Variants in PRAME observed in about 807,000 individuals in gnomAD.
The protein encoded by PRAME is melanoma antigen preferentially expressed in tumors.
PRAME carries 21 observed loss-of-function variants against 32.1 expected under a neutral mutation model. The observed-to-expected ratio is 0.65, with a 90% CI of 0.46 to 0.94. PRAME has a LOEUF of 0.94. PRAME is among the 40% of genes least tolerant of loss of function. The pLI is 0.00. For missense variants in PRAME, 651 were observed against 622.3 expected (o/e 1.05, Z -0.49); for synonymous variants, 274 against 251.5 (o/e 1.09, Z -0.85).
Position 22,554,100 on chromosome 22 carries a change from A to T in PRAME, c.21+2712T>A. The T allele has an allele frequency of 1.8e-5, 3 of 162,392 alleles. No homozygotes were observed. The South Asian group carries it at 1.6e-3, about 85-fold the overall frequency. 10.1% of individuals were successfully genotyped at this position (162,392 alleles called of 1,614,324 possible). A position where few individuals can be genotyped will look rare whatever the true frequency, so the allele number is the denominator to read the frequency against. ...AGTGCACAAATACATTTTCCGTCAC[A>T]AAAAATTGAAGTTATATTTGGCATT... On this transcript the variant is annotated intron_variant, in intron 3 of 5. Coordinates refer to ENST00000405655, the MANE Select transcript of PRAME (RefSeq NM_206956.3).
At chr22:22,556,716 G>T in intron 3 of PRAME, 96 bp downstream of exon 3, 3 of 1,440,788 alleles carry the variant, frequency 2.1e-6, no homozygotes, top group South Asian at 1.2e-5. Flanking sequence ...TACTGTGAGG[G>T]ACCTCAGGAT....
At chr22:22,554,834 C>T (rs934423587) in intron 3 of PRAME, among the ~76,000 whole-genome samples, 1 of 151,952 alleles carries the variant, frequency 6.6e-6, no homozygotes, top group African/African-American at 2.4e-5. Context: ...GTAAGTCCAA[C>T]AGTTAGGGAA....
At chr22:22,558,311 T>G (rs1336286489) in intron 1 of PRAME, among the ~76,000 whole-genome samples, 1 of 1,410 alleles carries the variant, frequency 7.1e-4, no homozygotes, top group Non-Finnish European at 1.4e-3. Context: ...TGGCGGAAGG[T>G]AGACAAGGCG....
At chr22:22,549,222 A>G (rs1055012790) in intron 5 of PRAME, among the ~76,000 whole-genome samples, 1 of 151,884 alleles carries the variant, frequency 6.6e-6, no homozygotes, top group Non-Finnish European at 1.5e-5. Flanking sequence ...TCCTTCTCCC[A>G]CATCTCCAGA....
chr22:22,548,252 C>T lies in PRAME; in HGVS notation c.1345G>A (p.Glu449Lys). ...AGGTGGAGGGTACCATGGATGTCCTCATAACTCTCCAGGGGGACAGGATAC... is the reference window on the plus strand; with the variant it reads ...AGGTGGAGGGTACCATGGATGTCCTTATAACTCTCCAGGGGGACAGGATAC... The part of the protein sequence containing the change: ...VLYPVPLESY[E>K]DIHGTLHLER... Residue 449 changes from glutamate (E) to lysine (K), a missense_variant, in exon 6 of 6, where the codon GAG becomes AAG. Glu to Lys is a moderately conservative substitution (Grantham distance 56). Coordinates refer to ENST00000405655, the MANE Select transcript of PRAME (RefSeq NM_206956.3). 1 of 1,613,846 alleles carries T rather than the reference C, an allele frequency of 6.2e-7. No homozygotes were observed. The highest frequency in any genetic ancestry group is 8.5e-7 in the Non-Finnish European group (1 of 1,179,956).
chr22:22,549,909 C>G lies in PRAME; in HGVS notation c.770G>C (p.Gly257Ala), dbSNP rs769799479. The G allele has an allele frequency of 6.2e-7, 1 of 1,613,780 alleles. No homozygotes were observed. The highest frequency in any genetic ancestry group is 1.3e-5 in the African/African-American group (1 of 74,932). ...PTLAKFSPYLGQMINLRRLLL... is the reference protein window; with the variant it reads ...PTLAKFSPYLAQMINLRRLLL... The stretch of plus-strand genomic sequence containing the variant: ...GAGTCTACGCAGATTAATCATCTGG[C>G]CCAGGTAAGGAGAAAATTTCGCCAA... Residue 257 changes from glycine (G) to alanine (A), a missense_variant, in exon 5 of 6, where the codon GGC becomes GCC. Transcript: ENST00000405655.
At position 22,548,398 on chromosome 22, in the gene PRAME, G is replaced by C. The variant is rs763483315; in HGVS notation, c.1199C>G (p.Pro400Arg). The change falls in exon 6 of 6, where the codon CCT (proline) becomes CGT (arginine). Residue 400 changes from proline (P) to arginine (R), a missense_variant. By Grantham distance (103) the Pro-to-Arg change is moderately radical (BLOSUM62 -2). Transcript: ENST00000405655. ...AAGCTGGGAGCAGTGGCTCAGGGAAGGCAGGAGGGCAAGGAGCTGATCATC... is the reference window on the plus strand; with the variant it reads ...AAGCTGGGAGCAGTGGCTCAGGGAACGCAGGAGGGCAAGGAGCTGATCATC... ...ITDDQLLALL[P>R]SLSHCSQLTT... 28 of 1,613,408 alleles carry C rather than the reference G, an allele frequency of 1.7e-5. No homozygotes were observed. The East Asian group carries it at 5.4e-4, about 31-fold the overall frequency.
Position 22,556,749 on chromosome 22 carries a change from G to C in PRAME, c.21+63C>G, listed in dbSNP as rs1303396737. On this transcript the variant is annotated intron_variant, in intron 3 of 5. Transcript: ENST00000405655. Reference sequence around the variant, plus strand: ...GATGCAGCTCCCATCTGGCTCGAGTGACAAGGACAGAGGGGAACAGGGCTT... The same window carrying C: ...GATGCAGCTCCCATCTGGCTCGAGTCACAAGGACAGAGGGGAACAGGGCTT... 7.5e-6 allele frequency: 12 copies of C among 1,597,904 alleles called. No individual in the cohort carries two copies. The East Asian group carries it at 2.7e-4, about 36-fold the overall frequency.
chr22:22,557,041 C>CGGG, intron 2 of PRAME, 132 bp from the exon 3 acceptor site: 2 of 624,810 alleles, frequency 3.2e-6, no homozygotes, highest in East Asian at 5.6e-5. Context: ...CCCGCCCTTT[C>CGGG]AGTGCAAATC....
At chr22:22,556,213 G>A (rs904061179) in intron 3 of PRAME, among the ~76,000 whole-genome samples, 2 of 151,586 alleles carry the variant, frequency 1.3e-5, no homozygotes, top group Non-Finnish European at 2.9e-5. Context: ...ATTTTGGCCA[G>A]GCTAGTCTCG....
rs61730840 is a variant in PRAME at position 22,548,130 on chromosome 22, G to A, written c.1467C>T (p.His489=). Residue 489 remains histidine (H), a synonymous_variant, in exon 6 of 6, where the codon CAC becomes CAT. Coordinates refer to ENST00000405655, the MANE Select transcript of PRAME (RefSeq NM_206956.3). ...MVWLSANPCP[H]CGDRTFYDPE... is the part of the protein sequence containing the mutation. ...GGTCATAGAAGGTTCTGTCCCCACAGTGAGGACAGGGGTTGGCACTAAGCC... is the reference window on the plus strand; with the variant it reads ...GGTCATAGAAGGTTCTGTCCCCACAATGAGGACAGGGGTTGGCACTAAGCC... 6.9e-3 allele frequency: 11,121 copies of A among 1,613,826 alleles called. 61 individuals carry two copies. Among genetic ancestry groups the A allele is most frequent in the Non-Finnish European group, 8.1e-3 (9,615 of 1,179,960 alleles).
chr22:22,554,626 C>G (rs2062793123), intron 3 of PRAME, among the ~76,000 whole-genome samples: 1 of 151,904 alleles, frequency 6.6e-6, no homozygotes, highest in Non-Finnish European at 1.5e-5. Context: ...ATCTAAAGTT[C>G]ACTGTCATTT....
At chr22:22,556,474 C>G in intron 3 of PRAME, among the ~76,000 whole-genome samples, 1 of 150,222 alleles carries the variant, frequency 6.7e-6, no homozygotes, top group Non-Finnish European at 1.5e-5. Context: ...CCACGCCCGG[C>G]TAACTTTCTG....
intron 3 of PRAME, chr22:22,553,739 C>T: frequency 2.1e-6 from 2 of 960,854 alleles, no homozygotes; most frequent in Non-Finnish European, 2.5e-6. Context: ...TCTGAAAGAC[C>T]TTGTGGTTTC....
At chr22:22,556,304 T>C (rs1188673423) in intron 3 of PRAME, among the ~76,000 whole-genome samples, 1 of 151,424 alleles carries the variant, frequency 6.6e-6, no homozygotes, top group Non-Finnish European at 1.5e-5. Context: ...CCACCATGCC[T>C]GGCCTAGGGT....
At chr22:22,551,921 CTT>C (rs1445408656) in intron 3 of PRAME, among the ~76,000 whole-genome samples, 1 of 151,608 alleles carries the variant, frequency 6.6e-6, no homozygotes, top group African/African-American at 2.4e-5. Context: ...GAAATATACT[CTT>C]AGCAATTTTC....
At chr22:22,548,687 G>C in intron 5 of PRAME, 44 bp from the exon 6 acceptor site, 2 of 1,483,522 alleles carry the variant, frequency 1.3e-6, no homozygotes, top group Admixed American at 1.9e-5. Flanking sequence ...TGGTGGTAGT[G>C]GGGTGGGGAG....
rs535219512 is a variant in PRAME at position 22,547,950 on chromosome 22, C to G, written c.*117G>C. Reference sequence around the variant, plus strand: ...TTTTTTCCTCACTGAACATGTTTTCCTCACTCACACTGAACATTTGTCTGA... The same window carrying G: ...TTTTTTCCTCACTGAACATGTTTTCGTCACTCACACTGAACATTTGTCTGA... On this transcript the variant is annotated 3_prime_UTR_variant, in exon 6 of 6. Transcript: ENST00000405655. The G allele has an allele frequency of 1.1e-4, 127 of 1,137,316 alleles. No homozygotes were observed. The East Asian group carries it at 3.0e-3, about 27-fold the overall frequency. 70.5% of individuals were successfully genotyped at this position (1,137,316 alleles called of 1,614,324 possible).
At position 22,549,904 on chromosome 22, in the gene PRAME, T is replaced by C. The variant is rs149979506; in HGVS notation, c.775A>G (p.Met259Val). 1.1e-4 allele frequency: 178 copies of C among 1,613,734 alleles called. No homozygotes were observed. Among genetic ancestry groups the C allele is most frequent in the Non-Finnish European group, 1.5e-4 (175 of 1,179,970 alleles). Reference sequence around the variant, plus strand: ...AGGAGGAGTCTACGCAGATTAATCATCTGGCCCAGGTAAGGAGAAAATTTC... The same window carrying C: ...AGGAGGAGTCTACGCAGATTAATCACCTGGCCCAGGTAAGGAGAAAATTTC... ...LAKFSPYLGQ[M>V]INLRRLLLSH... The change falls in exon 5 of 6, where the codon ATG becomes GTG. Residue 259 changes from methionine (M) to valine (V), a missense_variant. Physicochemically the swap from Met to Val is conservative, Grantham distance 21. Transcript: ENST00000405655.
Sources: allele counts gnomAD v4.1 joint callset (sites outside exome capture counted in the v4.1 genomes callset), GRCh38; gene constraint gnomAD v4.1.1; transcripts MANE v1.5; gene names NCBI Gene and HGNC (gene_info 2026-07-23, HGNC 2026-07-21).